The following ARID3A variants were observed in gnomAD, a reference collection of about 807,000 sequenced individuals.
ARID3A encodes the protein AT-rich interaction domain 3A.
Under a neutral mutation model 52.7 loss-of-function variants are expected in ARID3A, and 11 were observed. The ratio of observed to expected loss-of-function variants is 0.21; its 90% CI spans 0.13 to 0.35. The LOEUF (loss-of-function observed/expected upper bound fraction) is 0.35, where lower values mean the gene tolerates loss of function less well. Among genes scored for constraint, ARID3A ranks in the 10% least tolerant of loss-of-function variants. ARID3A has a pLI of 1.00. For missense variants in ARID3A, 721 were observed against 838.5 expected (o/e 0.86, Z 1.73); for synonymous variants, 404 against 359.4 (o/e 1.12, Z -1.40).
At position 959,662 on chromosome 19, in the gene ARID3A, G is replaced by A. The variant is rs1370595784; in HGVS notation, c.694-430G>A. 1.3e-5 allele frequency among the ~76,000 whole-genome samples: 2 copies of A among 152,162 alleles called. No individual in the cohort carries two copies. The highest frequency in any genetic ancestry group is 4.8e-5 in the African/African-American group (2 of 41,432). On this transcript the variant is annotated intron_variant, in intron 3 of 8. Coordinates refer to ENST00000263620, the MANE Select transcript of ARID3A (RefSeq NM_005224.3). The surrounding 1 kb of genome is among the most constrained non-coding windows in gnomAD (Gnocchi z 5.0). ...AACGTGTGGCTGTAAGGGAGTTAAG[G>A]ATCGATTTGAGATGAGGTGGCCCTA...
At chr19:935,008 G>C (rs1462332890) in intron 3 of ARID3A, among the ~76,000 whole-genome samples, 1 of 152,194 alleles carries the variant, frequency 6.6e-6, no homozygotes, top group East Asian at 1.9e-4. Flanking sequence ...GTCAACAGTG[G>C]CCTGGGCCCA....
rs112290506 is a variant in ARID3A at position 957,361 on chromosome 19, C to G, written c.694-2731C>G. On this transcript the variant is annotated intron_variant, in intron 3 of 8. Transcript: ENST00000263620. ...GGGCTCTGGGCCAAGTCCCCAGCAG[C>G]CCCCAGGCTCTGGTCCCGCACTCGC... Among the ~76,000 whole-genome samples, 848 of 152,318 alleles carry G rather than the reference C, an allele frequency of 5.6e-3. 11 individuals carry two copies. The highest frequency in any genetic ancestry group is 0.019 in the African/African-American group (803 of 41,564).
chr19:957,659 A>C (rs1273389163), intron 3 of ARID3A, among the ~76,000 whole-genome samples: 23 of 152,138 alleles, frequency 1.5e-4, no homozygotes, highest in Non-Finnish European at 1.5e-5. Flanking sequence ...AGGGCAACAT[A>C]GAAAGACCCA....
At chr19:961,632 G>C (rs1236385409) in intron 4 of ARID3A, 1 of 152,526 alleles carries the variant, frequency 6.6e-6, no homozygotes, top group East Asian at 1.9e-4. Flanking sequence ...AGAAAGCACG[G>C]TGAGGGCTGG....
Position 929,119 on chromosome 19 carries a change from C to A in ARID3A, c.-267-143C>A, listed in dbSNP as rs1016172392. 2.5e-5 allele frequency: 4 copies of A among 158,860 alleles called. No homozygotes were observed. The highest frequency in any genetic ancestry group is 7.2e-5 in the African/African-American group (3 of 41,624). The allele number at this position is 158,860 out of a possible 1,614,324, so 9.8% of individuals were successfully genotyped here. On this transcript the variant is annotated intron_variant, in intron 1 of 8. Transcript: ENST00000263620. This position sits in a 1 kb window ranked among gnomAD's most constrained non-coding sequence, Gnocchi z 6.2. Reference sequence around the variant, plus strand: ...CAGTAGGCTGTATGCGAAGAGCCTGCGCCTCTGCCTCCAAGAAGGCCTCCA... The same window carrying A: ...CAGTAGGCTGTATGCGAAGAGCCTGAGCCTCTGCCTCCAAGAAGGCCTCCA...
intron 3 of ARID3A, among the ~76,000 whole-genome samples, chr19:953,482 C>G (rs182341180): frequency 1.3e-5 from 2 of 150,934 alleles, no homozygotes; most frequent in South Asian, 2.1e-4. Flanking sequence ...CACACCCCCC[C>G]CCGTGCAGAG....
intron 3 of ARID3A, among the ~76,000 whole-genome samples, chr19:946,633 G>C (rs991120365): frequency 1.3e-5 from 2 of 151,870 alleles, no homozygotes; most frequent in Non-Finnish European, 2.9e-5. Flanking sequence ...TAGAGATGGG[G>C]TTTCACCATG....
chr19:972,788 C>A lies in ARID3A; in HGVS notation c.*723C>A, dbSNP rs141146806. On this transcript the variant is annotated 3_prime_UTR_variant, in exon 9 of 9. Transcript: ENST00000263620. ...TTCAGGGAAACTGGTCTTGAAAAAG[C>A]AAGAAAAAAAAGCAAAAAAAAAAAA... The A allele has an allele frequency of 0.06, 1,989 of 33,234 alleles. 56 individuals are homozygous for A. The highest frequency in any genetic ancestry group is 0.22 in the African/African-American group (1,884 of 8,702). 2.1% of individuals were successfully genotyped at this position (33,234 alleles called of 1,614,324 possible).
Position 966,600 on chromosome 19 carries a change from C to A in ARID3A, c.1227C>A (p.Val409=). The change falls in exon 7 of 9, where the codon GTC becomes GTA. Residue 409 remains valine, a synonymous_variant. Coordinates refer to ENST00000263620, the MANE Select transcript of ARID3A (RefSeq NM_005224.3). ...AGGACTCAGCCATCCCCATCACAGT[C>A]CCTGGCCGCCTGCCTGTGTCCCTGG... ...KEEDSAIPIT[V]PGRLPVSLAG... is the part of the protein sequence containing the mutation. 1 of 1,577,988 alleles carries A rather than the reference C, an allele frequency of 6.3e-7. No homozygotes were observed. The highest frequency in any genetic ancestry group is 1.1e-5 in the South Asian group (1 of 87,822).
At chr19:952,903 G>C (rs755266797) in intron 3 of ARID3A, among the ~76,000 whole-genome samples, 21 of 152,170 alleles carry the variant, frequency 1.4e-4, no homozygotes, top group Admixed American at 3.3e-4. Context: ...CCTGGGGACT[G>C]AGTGGGGAAA....
At chr19:953,183 C>T (rs1329480455) in intron 3 of ARID3A, among the ~76,000 whole-genome samples, 1 of 152,094 alleles carries the variant, frequency 6.6e-6, no homozygotes, top group Non-Finnish European at 1.5e-5. Flanking sequence ...TCCCAGGTGG[C>T]CCTGGGACTT....
chr19:953,558 C>G (rs1449137229), intron 3 of ARID3A, among the ~76,000 whole-genome samples: 1 of 152,164 alleles, frequency 6.6e-6, no homozygotes, highest in Non-Finnish European at 1.5e-5. Context: ...CGGAGTGTGT[C>G]TTGCAGATCC....
intron 8 of ARID3A, among the ~76,000 whole-genome samples, chr19:969,064 C>A (rs148776911): frequency 1.3e-5 from 2 of 151,318 alleles, no homozygotes. Flanking sequence ...GCCTGGGCCA[C>A]AGACCGAGAC....
rs1206662058 is a variant in ARID3A at position 972,720 on chromosome 19, A to G, written c.*655A>G. 1.0e-5 allele frequency: 2 copies of G among 197,874 alleles called. No individual in the cohort carries two copies. The highest frequency in any genetic ancestry group is 4.9e-5 in the African/African-American group (2 of 41,224). 12.3% of individuals were successfully genotyped at this position (197,874 alleles called of 1,614,324 possible). A position where few individuals can be genotyped will look rare whatever the true frequency, so the allele number is the denominator to read the frequency against. ...ATTCTTGGGGGGATCAAACCTTAGG[A>G]AAAGGATATCTATATATCTATATAG... On this transcript the variant is annotated 3_prime_UTR_variant, in exon 9 of 9. Transcript: ENST00000263620.
chr19:961,960 G>A (rs908441315), intron 4 of ARID3A: 2 of 152,204 alleles, frequency 1.3e-5, no homozygotes, highest in Non-Finnish European at 2.9e-5. Context: ...TCATGAGTGT[G>A]GGTGAGATGG....
intron 3 of ARID3A, among the ~76,000 whole-genome samples, chr19:943,588 AAAG>A (rs2037604662): frequency 6.6e-6 from 1 of 152,076 alleles, no homozygotes; most frequent in Non-Finnish European, 1.5e-5. Flanking sequence ...AGAAAAGAAA[AAAG>A]AGAAATTTGG....
Position 938,431 on chromosome 19 carries a change from G to A in ARID3A, c.693+5689G>A, listed in dbSNP as rs2037480476. Among the ~76,000 whole-genome samples the A allele has an allele frequency of 6.6e-6, 1 of 152,208 alleles. No homozygotes were observed. Among genetic ancestry groups the A allele is most frequent in the Non-Finnish European group, 1.5e-5 (1 of 68,046 alleles). On this transcript the variant is annotated intron_variant, in intron 3 of 8. Coordinates refer to ENST00000263620, the MANE Select transcript of ARID3A (RefSeq NM_005224.3). The surrounding 1 kb of genome is among the most constrained non-coding windows in gnomAD (Gnocchi z 4.0). The stretch of plus-strand genomic sequence containing the variant: ...CCTGTTGTGCAGACGAGAAACTGAG[G>A]CATGGGGTGATCACATGACTTGTGC...
rs995853327 is a variant in ARID3A, at chr19:972,740, A to G, written c.*675A>G. 3.1e-5 allele frequency: 6 copies of G among 193,564 alleles called. No homozygotes were observed. Among genetic ancestry groups the G allele is most frequent in the African/African-American group, 5.0e-5 (2 of 40,276 alleles). The allele number at this position is 193,564 out of a possible 1,614,324, so 12.0% of individuals were successfully genotyped here. ...TTAGGAAAAGGATATCTATATATCT[A>G]TATAGCTATATATTTGTGTTCCTTC... On this transcript the variant is annotated 3_prime_UTR_variant, in exon 9 of 9. Transcript: ENST00000263620.
At position 929,871 on chromosome 19, in the gene ARID3A, G is replaced by T; in HGVS notation, c.343G>T (p.Glu115Ter). ...AGAAGGGCCAGGAGAGGAGCACTTTGAGGACATGGCCTCCGACGAGGACAT... is the reference window on the plus strand; with the variant it reads ...AGAAGGGCCAGGAGAGGAGCACTTTTAGGACATGGCCTCCGACGAGGACAT... ...GREGPGEEHFEDMASDEDMKP... is the reference protein window; with the variant it reads ...GREGPGEEHF Residue 115 changes from glutamate (E) to a stop codon, truncating the protein, a stop_gained, in exon 2 of 9, where the codon GAG (glutamate) becomes TAG (stop). Coordinates refer to ENST00000263620, the MANE Select transcript of ARID3A (RefSeq NM_005224.3). LOFTEE classifies it high-confidence loss of function. The surrounding 1 kb of genome is among the most constrained non-coding windows in gnomAD (Gnocchi z 6.2). 1 of 1,543,494 alleles carries T rather than the reference G, an allele frequency of 6.5e-7. No homozygotes were observed.
Sources: allele counts gnomAD v4.1 joint callset (sites outside exome capture counted in the v4.1 genomes callset), GRCh38; gene constraint gnomAD v4.1.1; non-coding constraint Gnocchi (gnomAD v3.1); transcripts MANE v1.5; gene names NCBI Gene and HGNC (gene_info 2026-07-23, HGNC 2026-07-21).